C1orf141: variants seen among roughly 807,000 people sequenced by gnomAD.
C1orf141 encodes the protein chromosome 1 open reading frame 141.
Under a neutral mutation model 23.2 loss-of-function variants are expected in C1orf141, and 19 were observed. The ratio of observed to expected loss-of-function variants is 0.82; its 90% confidence interval spans 0.57 to 1.20. C1orf141 has a LOEUF of 1.20. Ranked by LOEUF, C1orf141 falls within the 50% of genes most tolerant of loss-of-function variation. The pLI, the probability that C1orf141 is intolerant of heterozygous loss-of-function variation, is 0.00. For missense variants in C1orf141, 469 were observed against 455.1 expected (o/e 1.03, Z -0.28); for synonymous variants, 153 against 154.6 (o/e 0.99, Z 0.08).
intron 5 of C1orf141, among the ~76,000 whole-genome samples, chr1:67,104,675 A>T (rs911508): frequency 0.1 from 15,208 of 152,268 alleles, 1,030 homozygotes; most frequent in Admixed American, 0.16. Context: ...TATCAATTAA[A>T]TTAAAAAGTA....
chr1:67,136,359 T>C (rs1048793532), upstream of C1orf141, among the ~76,000 whole-genome samples: 1 of 152,168 alleles, frequency 6.6e-6, no homozygotes, highest in African/African-American at 2.4e-5. Context: ...AGCTTGATTC[T>C]ATTATATTTT....
At chr1:67,121,881 C>A (rs1341121682) in intron 4 of C1orf141, 1 of 152,144 alleles carries the variant, frequency 6.6e-6, no homozygotes, top group Admixed American at 6.6e-5. Context: ...AAATTGCTGA[C>A]CATACCCCTC....
chr1:67,113,042 C>A (rs1646110977), intron 5 of C1orf141, among the ~76,000 whole-genome samples: 1 of 152,190 alleles, frequency 6.6e-6, no homozygotes, highest in Non-Finnish European at 1.5e-5. Flanking sequence ...TGCAGTGGCA[C>A]CATCTCAGTT....
upstream of C1orf141, among the ~76,000 whole-genome samples, chr1:67,139,964 G>A (rs1348455064): frequency 6.6e-6 from 1 of 152,140 alleles, no homozygotes; most frequent in Non-Finnish European, 1.5e-5. Flanking sequence ...TATAAGAAAA[G>A]GAAGAGAAAC....
At position 67,093,010 on chromosome 1, in the gene C1orf141, A is replaced by C. The variant is rs1422645394; in HGVS notation, c.1198T>G (p.Ser400Ala). Residue 400 changes from serine to alanine, a missense_variant, in exon 8 of 8, where the codon TCA becomes GCA. By Grantham distance (99) the Ser-to-Ala change is moderately conservative. This residue lies in a region of C1orf141 where 370 missense variants were observed against 348.1 expected (regional missense o/e 1.06). Coordinates refer to ENST00000684719, the MANE Select transcript of C1orf141 (RefSeq NM_001276351.2). ...ATTGCTGCATACATAATATTTTATG[A>C]GGCATTTAAAATTTCATTTGATAAG... ...LNLSNEILNA[S>A] 1.3e-5 allele frequency: 20 copies of C among 1,572,676 alleles called. No individual in the cohort carries two copies. The highest frequency in any genetic ancestry group is 2.7e-5 in the African/African-American group (2 of 73,586).
intron 1 of C1orf141, among the ~76,000 whole-genome samples, chr1:67,141,053 G>A (rs9724915): frequency 6.6e-6 from 1 of 152,028 alleles, no homozygotes; most frequent in Non-Finnish European, 1.5e-5. Context: ...TGATGCAGCT[G>A]TTACAAGAGG....
intron 5 of C1orf141, among the ~76,000 whole-genome samples, chr1:67,106,433 G>A (rs997925926): frequency 1.3e-5 from 2 of 152,054 alleles, no homozygotes; most frequent in Non-Finnish European, 2.9e-5. Flanking sequence ...GATCACTTGA[G>A]GCCAGGAGTT....
intron 7 of C1orf141, 106 bp downstream of exon 7, chr1:67,095,129 G>T: frequency 1.6e-6 from 1 of 643,342 alleles, no homozygotes; most frequent in Non-Finnish European, 2.6e-6. Flanking sequence ...GAAACCAAGA[G>T]GTAAAAAGGA....
intron 4 of C1orf141, chr1:67,124,009 G>A (rs1646354155): frequency 6.6e-6 from 1 of 152,104 alleles, no homozygotes; most frequent in African/African-American, 2.4e-5. Context: ...TATTGAATGG[G>A]GTACAGTAGT....
chr1:67,101,515 T>C (rs374852986), intron 5 of C1orf141, among the ~76,000 whole-genome samples: 2 of 149,446 alleles, frequency 1.3e-5, no homozygotes, highest in South Asian at 4.2e-4. Flanking sequence ...TAACAGGGGA[T>C]TTTTTTCAGA....
At chr1:67,130,564 G>A (rs1646498289) in intron 2 of C1orf141, among the ~76,000 whole-genome samples, 1 of 151,958 alleles carries the variant, frequency 6.6e-6, no homozygotes, top group African/African-American at 2.4e-5. Context: ...TGCACACACA[G>A]CTGTATTTTT....
At chr1:67,113,565 A>G in intron 5 of C1orf141, 1 of 344,642 alleles carries the variant, frequency 2.9e-6, no homozygotes, top group South Asian at 3.0e-5. Flanking sequence ...GGGTTTCGCC[A>G]TGTTGGTCAG....
intron 4 of C1orf141, among the ~76,000 whole-genome samples, chr1:67,116,038 C>T (rs567970634): frequency 1.2e-4 from 18 of 152,338 alleles, no homozygotes; most frequent in Non-Finnish European, 8.8e-5. Flanking sequence ...CAGTCCCACA[C>T]TGTAACTGTT....
Position 67,092,200 on chromosome 1 carries a change from G to T in C1orf141, c.*805C>A, listed in dbSNP as rs914125566. 1 of 152,242 alleles carries T rather than the reference G, an allele frequency of 6.6e-6. No individual in the cohort carries two copies. The highest frequency in any genetic ancestry group is 1.5e-5 in the Non-Finnish European group (1 of 68,016). 9.4% of individuals were successfully genotyped at this position (152,242 alleles called of 1,614,324 possible). A position where few individuals can be genotyped will look rare whatever the true frequency, so the allele number is the denominator to read the frequency against. On this transcript the variant is annotated 3_prime_UTR_variant, in exon 8 of 8. Transcript: ENST00000684719. ...TAATTTTGGAATTTATTACTTCCAA[G>T]ATTATTTTTATGTGAAATACATTTC...
chr1:67,130,999 T>C (rs1465229186), intron 2 of C1orf141, 143 bp downstream of exon 2: 11 of 152,316 alleles, frequency 7.2e-5, no homozygotes, highest in Non-Finnish European at 1.5e-5. Flanking sequence ...ATTTTGTGTC[T>C]CCTCAAATAA....
chr1:67,120,193 G>C (rs1309172477), intron 4 of C1orf141, among the ~76,000 whole-genome samples: 1 of 152,124 alleles, frequency 6.6e-6, no homozygotes, highest in African/African-American at 2.4e-5. Context: ...TCTCCCTTTT[G>C]GAATGAGAAT....
chr1:67,139,035 T>G (rs898690076), upstream of C1orf141: 1 of 152,192 alleles, frequency 6.6e-6, no homozygotes, highest in African/African-American at 2.4e-5. Flanking sequence ...ACTATGAAGA[T>G]CCTAAGAGTG....
chr1:67,140,057 G>A (rs915807692), intron 1 of C1orf141, among the ~76,000 whole-genome samples: 2 of 152,180 alleles, frequency 1.3e-5, no homozygotes, highest in Admixed American at 6.5e-5. Flanking sequence ...GCAGCAAGAA[G>A]TCCCTCACCA....
At chr1:67,114,456 G>C (rs533030466) in intron 5 of C1orf141, among the ~76,000 whole-genome samples, 1 of 152,140 alleles carries the variant, frequency 6.6e-6, no homozygotes, top group Non-Finnish European at 1.5e-5. Context: ...ATAACAATGT[G>C]TATAACAAAT....
Sources: allele counts gnomAD v4.1 joint callset (sites outside exome capture counted in the v4.1 genomes callset), GRCh38; gene constraint gnomAD v4.1.1; regional missense constraint gnomAD v4.1.1; transcripts MANE v1.5; gene names NCBI Gene and HGNC (gene_info 2026-07-23, HGNC 2026-07-21).